Variants in FREM2 observed in about 807,000 individuals in gnomAD.
FREM2 encodes FRAS1-related extracellular matrix protein 2.
Under a neutral mutation model 219.9 loss-of-function variants are expected in FREM2, and 119 were observed. The ratio of observed to expected loss-of-function variants is 0.54; its 90% CI spans 0.47 to 0.63. FREM2 has a LOEUF of 0.63. FREM2 is among the 30% of genes least tolerant of loss of function. The pLI, the probability that FREM2 is intolerant of heterozygous loss-of-function variation, is 0.00. For missense variants in FREM2, 4,030 were observed against 3,993.6 expected, an observed-to-expected ratio of 1.01 and a Z score of -0.25; for synonymous variants, 1,562 against 1,522.8, an observed-to-expected ratio of 1.03 and a Z score of -0.60.
intron 2 of FREM2, among the ~76,000 whole-genome samples, chr13:38,714,356 T>G (rs1870897355): frequency 6.6e-6 from 1 of 152,238 alleles, no homozygotes; most frequent in Admixed American, 6.5e-5. Flanking sequence ...CATCAAATAC[T>G]TCTGAAAGTG....
intron 4 of FREM2, among the ~76,000 whole-genome samples, chr13:38,774,878 C>T (rs376820219): frequency 6.6e-6 from 1 of 152,152 alleles, no homozygotes; most frequent in African/African-American, 2.4e-5. Context: ...AGTTTGTACA[C>T]TTGAAATGTC....
intron 6 of FREM2, among the ~76,000 whole-genome samples, chr13:38,834,407 C>T (rs1236302193): frequency 6.6e-6 from 1 of 151,854 alleles, no homozygotes; most frequent in Non-Finnish European, 1.5e-5. Context: ...TTTCTTTATC[C>T]AGTCTAACGT....
chr13:38,704,604 G>C (rs1446179125), intron 2 of FREM2, among the ~76,000 whole-genome samples: 1 of 152,170 alleles, frequency 6.6e-6, no homozygotes, highest in Non-Finnish European at 1.5e-5. Context: ...TGAGGCTGGA[G>C]AGCTAGATCA....
intron 6 of FREM2, among the ~76,000 whole-genome samples, chr13:38,824,918 C>G (rs4400923): frequency 0.25 from 37,826 of 151,296 alleles, 5,127 homozygotes; most frequent in East Asian, 0.38. Flanking sequence ...TAAACTAAAT[C>G]TCTTCCAAAG....
At chr13:38,792,236 C>A (rs1281346570) in intron 6 of FREM2, among the ~76,000 whole-genome samples, 1 of 152,180 alleles carries the variant, frequency 6.6e-6, no homozygotes, top group Non-Finnish European at 1.5e-5. Flanking sequence ...GTAATCCCAG[C>A]TACTCAGGAG....
rs775237171 is a variant in FREM2, at chr13:38,692,142, A to G, written c.4798A>G (p.Asn1600Asp). 1 of 1,614,216 alleles carries G rather than the reference A, an allele frequency of 6.2e-7. No homozygotes were observed. The highest frequency in any genetic ancestry group is 8.5e-7 in the Non-Finnish European group (1 of 1,180,038). The stretch of plus-strand genomic sequence containing the variant: ...TTTTACCAAGCAAGACTTGAATGAA[A>G]ACTTAATCAGCTACAAACATGATGG... ...MVFTKQDLNE[N>D]LISYKHDGTE... Residue 1600 changes from asparagine (N) to aspartate (D), a missense_variant, in exon 1 of 24, where the codon AAC (asparagine) becomes GAC (aspartate). By Grantham distance (23) the Asn-to-Asp change is conservative (BLOSUM62 1). Transcript: ENST00000280481.
intron 2 of FREM2, among the ~76,000 whole-genome samples, chr13:38,717,504 C>T (rs2138103272): frequency 7.2e-6 from 1 of 139,358 alleles, no homozygotes; most frequent in African/African-American, 2.6e-5. Flanking sequence ...GCAACTTCTA[C>T]CTCTGGGGTT....
chr13:38,866,410 A>G (rs1877965332), intron 16 of FREM2, among the ~76,000 whole-genome samples: 2 of 152,124 alleles, frequency 1.3e-5, no homozygotes, highest in South Asian at 4.1e-4. Context: ...AGGCAGGAGA[A>G]TCACTTGAAC....
chr13:38,851,613 C>A, intron 10 of FREM2, 73 bp from the exon 11 acceptor site: 2 of 1,197,302 alleles, frequency 1.7e-6, no homozygotes, highest in East Asian at 2.4e-5. Flanking sequence ...CACATGGAAA[C>A]AAACATTAGA....
At chr13:38,812,692 G>A (rs1197215432) in intron 6 of FREM2, among the ~76,000 whole-genome samples, 2 of 151,980 alleles carry the variant, frequency 1.3e-5, no homozygotes, top group East Asian at 1.9e-4. Flanking sequence ...ACCAGCCTGG[G>A]CAACATGGTG....
intron 2 of FREM2, among the ~76,000 whole-genome samples, chr13:38,761,707 G>T (rs1381770762): frequency 1.3e-5 from 2 of 152,142 alleles, no homozygotes; most frequent in Non-Finnish European, 2.9e-5. Context: ...TGGAGCAGCT[G>T]CAGCTGCTTC....
At chr13:38,732,542 A>G (rs1871810132) in intron 2 of FREM2, among the ~76,000 whole-genome samples, 1 of 152,214 alleles carries the variant, frequency 6.6e-6, no homozygotes, top group Non-Finnish European at 1.5e-5. Flanking sequence ...ATTCAAAATC[A>G]GCAAGATGTA....
chr13:38,830,585 G>A (rs1202994262), intron 6 of FREM2, among the ~76,000 whole-genome samples: 3 of 152,188 alleles, frequency 2.0e-5, no homozygotes, highest in African/African-American at 7.2e-5. Flanking sequence ...TTTTTCTGTA[G>A]TTCTTAGCAT....
Position 38,878,096 on chromosome 13 carries a change from C to G in FREM2, c.8672-38C>G, listed in dbSNP as rs1256596509. On this transcript the variant is annotated intron_variant, in intron 21 of 23. Transcript: ENST00000280481. ...ACAGTGTCACGTTGATATACCTTAT[C>G]ATATAACAGAAATAACATTTCCACA... is the stretch of plus-strand genomic sequence containing the variant. The G allele has an allele frequency of 3.9e-6, 6 of 1,525,526 alleles. No homozygotes were observed. In the Admixed American group the frequency reaches 5.0e-5, roughly 13 times the overall value. The allele number at this position is 1,525,526 out of a possible 1,614,324, so 94.5% of individuals were successfully genotyped here. A position where few individuals can be genotyped will look rare whatever the true frequency, so the allele number is the denominator to read the frequency against.
chr13:38,793,923 T>A (rs1462470274), intron 6 of FREM2, among the ~76,000 whole-genome samples: 1 of 152,098 alleles, frequency 6.6e-6, no homozygotes, highest in Non-Finnish European at 1.5e-5. Flanking sequence ...ATGGGGAGAA[T>A]AAAGGTAGAA....
At chr13:38,772,846 G>A (rs545597398) in intron 4 of FREM2, among the ~76,000 whole-genome samples, 1 of 152,034 alleles carries the variant, frequency 6.6e-6, no homozygotes, top group South Asian at 2.1e-4. Context: ...ACGGGCGGTT[G>A]CCACCACGCC....
intron 6 of FREM2, among the ~76,000 whole-genome samples, chr13:38,843,481 G>A (rs942631022): frequency 6.6e-6 from 1 of 151,580 alleles, no homozygotes; most frequent in Non-Finnish European, 1.5e-5. Context: ...TGAGTTAAAA[G>A]TCTTACTCAT....
At position 38,688,648 on chromosome 13, in the gene FREM2, A is replaced by G; in HGVS notation, c.1304A>G (p.Asn435Ser). Residue 435 changes from asparagine to serine, a missense_variant, in exon 1 of 24, where the codon AAC (asparagine) becomes AGC (serine). This residue lies in a region of FREM2 where 3,102 missense variants were observed against 2,950.7 expected (regional missense o/e 1.05). Transcript: ENST00000280481. ...TTCATGGTAGTGGTGAAGCCCATGAACACAATGGCTCCGGTGGTCACCCGG... is the reference window on the plus strand; with the variant it reads ...TTCATGGTAGTGGTGAAGCCCATGAGCACAATGGCTCCGGTGGTCACCCGG... ...FAFMVVVKPM[N>S]TMAPVVTRNT... 6.2e-7 allele frequency: 1 copy of G among 1,614,104 alleles called. No homozygotes were observed. The highest frequency in any genetic ancestry group is 2.2e-5 in the East Asian group (1 of 44,868).
chr13:38,836,571 C>A (rs977087977), intron 6 of FREM2, among the ~76,000 whole-genome samples: 5 of 151,996 alleles, frequency 3.3e-5, no homozygotes, highest in Non-Finnish European at 7.4e-5. Context: ...ATCCATCTGG[C>A]CCTGGGCTTC....
Sources: gnomAD v4.1 joint callset for allele counts (sites outside exome capture counted in the v4.1 genomes callset) on GRCh38, gnomAD v4.1.1 for gene constraint, gnomAD v4.1.1 regional missense constraint, MANE v1.5 for transcripts, NCBI Gene and HGNC (gene_info 2026-07-23, HGNC 2026-07-21) for gene names.